SUPT3H: variants seen among roughly 807,000 people sequenced by gnomAD.
SUPT3H encodes SPT3 homolog, SAGA and STAGA complex component, also known as transcription initiation protein SPT3 homolog.
Under a neutral mutation model 44.3 loss-of-function variants are expected in SUPT3H, and 44 were observed. That is an observed-to-expected ratio of 0.99 (90% confidence interval 0.78 to 1.28). The LOEUF (loss-of-function observed/expected upper bound fraction) is 1.28. Among genes scored for constraint, SUPT3H ranks in the 50% most tolerant of loss-of-function variants. SUPT3H has a pLI of 0.00. For missense variants in SUPT3H, 380 were observed against 387.1 expected, an observed-to-expected ratio of 0.98 and a Z score of 0.15; for synonymous variants, 124 against 125.6, an observed-to-expected ratio of 0.99 and a Z score of 0.09.
At chr6:44,845,252 C>G (rs528940117) in intron 10 of SUPT3H, among the ~76,000 whole-genome samples, 4 of 152,252 alleles carry the variant, frequency 2.6e-5, no homozygotes, top group South Asian at 2.1e-4. Context: ...AAAACAGATA[C>G]GTGAGGCATA....
chr6:44,929,294 C>T (rs985913712), intron 10 of SUPT3H, among the ~76,000 whole-genome samples: 5 of 151,970 alleles, frequency 3.3e-5, no homozygotes, highest in African/African-American at 1.2e-4. Context: ...AAAGATGACT[C>T]GCTAAAAGCA....
At chr6:44,967,357 A>T (rs948119116) in intron 6 of SUPT3H, among the ~76,000 whole-genome samples, 1 of 152,224 alleles carries the variant, frequency 6.6e-6, no homozygotes, top group African/African-American at 2.4e-5. Context: ...TCTGCGTCCT[A>T]CTTAAATGAA....
chr6:45,009,692 G>A (rs1783200312), intron 5 of SUPT3H, among the ~76,000 whole-genome samples: 1 of 152,038 alleles, frequency 6.6e-6, no homozygotes, highest in Non-Finnish European at 1.5e-5. Context: ...TGCCAGTACT[G>A]CTCTATCGTA....
chr6:45,157,033 C>T (rs947594882), intron 2 of SUPT3H, among the ~76,000 whole-genome samples: 8 of 152,164 alleles, frequency 5.3e-5, no homozygotes, highest in South Asian at 2.1e-4. Context: ...AGGAATGCAA[C>T]TTCCAATAAT....
chr6:45,207,355 G>C (rs1230742653), intron 2 of SUPT3H, among the ~76,000 whole-genome samples: 3 of 152,164 alleles, frequency 2.0e-5, no homozygotes, highest in African/African-American at 7.2e-5. Flanking sequence ...AGCAGCTTTG[G>C]TGGAGTGATA....
chr6:45,040,625 T>G (rs1355014442), intron 3 of SUPT3H, among the ~76,000 whole-genome samples: 2 of 152,138 alleles, frequency 1.3e-5, no homozygotes, highest in Non-Finnish European at 2.9e-5. Context: ...CAAAGAGAAA[T>G]TCATACTCTT....
At chr6:44,990,179 TTTCA>T (rs1780412996) in intron 6 of SUPT3H, among the ~76,000 whole-genome samples, 3 of 143,872 alleles carry the variant, frequency 2.1e-5, no homozygotes, top group African/African-American at 7.3e-5. Flanking sequence ...AAGGATTCAA[TTTCA>T]TTTTTTTTTC....
At chr6:45,328,132 A>G (rs1209122908) in intron 2 of SUPT3H, 4 of 450,058 alleles carry the variant, frequency 8.9e-6, no homozygotes, top group Non-Finnish European at 1.4e-5. Context: ...ATGCCAGGAA[A>G]GGCCTTACCA....
At chr6:45,104,218 G>C (rs563399176) in intron 3 of SUPT3H, among the ~76,000 whole-genome samples, 2 of 151,992 alleles carry the variant, frequency 1.3e-5, no homozygotes, top group East Asian at 3.9e-4. Flanking sequence ...TTCCTTAAAA[G>C]CATTTGACTT....
At chr6:44,968,491 T>C (rs1314292555) in intron 6 of SUPT3H, among the ~76,000 whole-genome samples, 2 of 152,132 alleles carry the variant, frequency 1.3e-5, no homozygotes, top group African/African-American at 2.4e-5. Flanking sequence ...AGTACCCCAG[T>C]GAGTGCTCAT....
At chr6:45,286,272 T>C (rs186820597) in intron 2 of SUPT3H, among the ~76,000 whole-genome samples, 1 of 152,234 alleles carries the variant, frequency 6.6e-6, no homozygotes, top group African/African-American at 2.4e-5. Flanking sequence ...AAAGAGCTTC[T>C]GCACAACAAA....
At position 45,286,841 on chromosome 6, in the gene SUPT3H, C is replaced by A. The variant is rs557617846; in HGVS notation, c.101+78360G>T. ...ACAATAGCAAAGACTAGGAACCAAG[C>A]CAAATGTCCATCAATGATAGACTGG... On this transcript the variant is annotated intron_variant, in intron 2 of 10. Transcript: ENST00000371459. Among the ~76,000 whole-genome samples the A allele has an allele frequency of 2.0e-5, 3 of 152,252 alleles. No homozygotes were observed. The East Asian group carries it at 5.8e-4, about 29-fold the overall frequency.
At chr6:44,886,166 G>A (rs892208403) in intron 10 of SUPT3H, among the ~76,000 whole-genome samples, 1 of 152,202 alleles carries the variant, frequency 6.6e-6, no homozygotes. Flanking sequence ...TGACGGGGGA[G>A]AATGGAACCA....
intron 2 of SUPT3H, among the ~76,000 whole-genome samples, chr6:45,258,161 T>C (rs975578820): frequency 3.9e-5 from 6 of 152,218 alleles, no homozygotes; most frequent in Admixed American, 3.9e-4. Flanking sequence ...TAGTTCTGTT[T>C]AGACACAACT....
In SUPT3H at chr6:45,293,775, A is replaced by G. The variant is rs751310727; in HGVS notation, c.101+71426T>C. Among the ~76,000 whole-genome samples, 8 of 152,268 alleles carry G rather than the reference A, an allele frequency of 5.3e-5. 1 individual carries two copies. The South Asian group carries it at 1.7e-3, about 32-fold the overall frequency. On this transcript the variant is annotated intron_variant, in intron 2 of 10. Coordinates refer to ENST00000371459, the MANE Select transcript of SUPT3H (RefSeq NM_003599.4). ...ATTCTTGAAAAGATACAACCTTCCTAGCTTAAATCAGGATAAATTAGATAC... is the reference window on the plus strand; with the variant it reads ...ATTCTTGAAAAGATACAACCTTCCTGGCTTAAATCAGGATAAATTAGATAC...
At chr6:45,280,731 C>T (rs992860849) in intron 2 of SUPT3H, among the ~76,000 whole-genome samples, 21 of 152,042 alleles carry the variant, frequency 1.4e-4, no homozygotes, top group African/African-American at 5.1e-4. Context: ...CTACAGAACT[C>T]CTAGTGGCTT....
At chr6:44,941,782 T>C (rs1428767838) in intron 9 of SUPT3H, among the ~76,000 whole-genome samples, 2 of 152,152 alleles carry the variant, frequency 1.3e-5, no homozygotes, top group African/African-American at 4.8e-5. Flanking sequence ...GTAATACACG[T>C]AGTGAGTGTA....
At chr6:45,299,614 A>T (rs1425941046) in intron 2 of SUPT3H, among the ~76,000 whole-genome samples, 1 of 152,062 alleles carries the variant, frequency 6.6e-6, no homozygotes, top group Non-Finnish European at 1.5e-5. Context: ...TAGTCAATTC[A>T]GAAAACAAAT....
At chr6:45,128,557 TACACACACACAC>T (rs1173091186) in intron 2 of SUPT3H, among the ~76,000 whole-genome samples, 24 of 56,744 alleles carry the variant, frequency 4.2e-4, no homozygotes, top group African/African-American at 1.6e-3. Context: ...TATATATATA[TACACACACACAC>T]ACACACACAC....
Sources: gnomAD v4.1 joint callset for allele counts (sites outside exome capture counted in the v4.1 genomes callset) on GRCh38, gnomAD v4.1.1 for gene constraint, MANE v1.5 for transcripts, NCBI Gene and HGNC (gene_info 2026-07-23, HGNC 2026-07-21) for gene names.